ARL15: variants seen among roughly 807,000 people sequenced by gnomAD.
ARL15 encodes ADP-ribosylation factor-like protein 15.
ARL15 carries 19 observed loss-of-function variants against 25.2 expected under a neutral mutation model. The ratio of observed to expected loss-of-function variants is 0.75; its 90% CI spans 0.53 to 1.10. The LOEUF is 1.10. ARL15 is among the 50% of genes least tolerant of loss of function. The pLI is 0.00. For synonymous variants in ARL15, 94 were observed against 86.8 expected (o/e 1.08, Z -0.46); for missense variants, 220 against 246.0 (o/e 0.89, Z 0.71).
intron 4 of ARL15, among the ~76,000 whole-genome samples, chr5:53,965,338 A>G (rs1294407518): frequency 6.6e-6 from 1 of 152,218 alleles, no homozygotes; most frequent in Non-Finnish European, 1.5e-5. Context: ...AAGCTCTGCA[A>G]CTCATAGTGT....
In ARL15 at chr5:54,310,416, C is replaced by A. The variant is rs1011312005; in HGVS notation, c.48+16G>T. 6 of 1,607,446 alleles carry A rather than the reference C, an allele frequency of 3.7e-6. No homozygotes were observed. The highest frequency in any genetic ancestry group is 2.7e-5 in the African/African-American group (2 of 74,848). ...GAGATCCGAGAGGCGACATGCCACC[C>A]CTGCCCTGCACCTACCAGATAATCC... is the stretch of plus-strand genomic sequence containing the variant. On this transcript the variant is annotated intron_variant, in intron 1 of 4. Transcript: ENST00000504924.
At chr5:54,271,174 C>T (rs1321599297) in intron 1 of ARL15, among the ~76,000 whole-genome samples, 1 of 152,120 alleles carries the variant, frequency 6.6e-6, no homozygotes, top group African/African-American at 2.4e-5. Context: ...TACCAGCATC[C>T]CATGGTCTCC....
chr5:53,911,855 G>T (rs913776242), intron 4 of ARL15, among the ~76,000 whole-genome samples: 1 of 152,104 alleles, frequency 6.6e-6, no homozygotes, highest in Admixed American at 6.5e-5. Context: ...GGGTAGTGAT[G>T]GTGGAATATA....
At chr5:54,182,342 G>C (rs1158707595) in intron 1 of ARL15, among the ~76,000 whole-genome samples, 1 of 118,738 alleles carries the variant, frequency 8.4e-6, no homozygotes, top group Non-Finnish European at 1.7e-5. Context: ...GTAAGGAAGG[G>C]ATCCAGTTTC....
At position 54,145,477 on chromosome 5, in the gene ARL15, C is replaced by T. The variant is rs138041587; in HGVS notation, c.253+9103G>A. Among the ~76,000 whole-genome samples the T allele has an allele frequency of 2.8e-3, 421 of 152,308 alleles. 10 individuals are homozygous for T. Among genetic ancestry groups the T allele is most frequent in the Middle Eastern group, 6.8e-3 (2 of 294 alleles). ...GTGATAAATAGCTATAAGCATATTA[C>T]CTCTTCAACAGTTGTCGAGTTGCCA... is the stretch of plus-strand genomic sequence containing the variant. On this transcript the variant is annotated intron_variant, in intron 3 of 4. Transcript: ENST00000504924.
At position 53,883,998 on chromosome 5, in the gene ARL15, G is replaced by C. The variant is rs1456698930; in HGVS notation, c.*2563C>G. On this transcript the variant is annotated 3_prime_UTR_variant, in exon 5 of 5. Transcript: ENST00000504924. The stretch of plus-strand genomic sequence containing the variant: ...AGATAGTGGAAATCGTAGAAATCAT[G>C]GACAATACAAGTTGGTCTTGCCTGG... The C allele has an allele frequency of 6.6e-6, 1 of 152,070 alleles. No individual in the cohort carries two copies. The highest frequency in any genetic ancestry group is 2.4e-5 in the African/African-American group (1 of 41,406). 9.4% of individuals were successfully genotyped at this position (152,070 alleles called of 1,614,324 possible). A position where few individuals can be genotyped will look rare whatever the true frequency, so the allele number is the denominator to read the frequency against.
At chr5:54,112,246 G>T (rs1468579918) in intron 4 of ARL15, among the ~76,000 whole-genome samples, 2 of 151,980 alleles carry the variant, frequency 1.3e-5, no homozygotes, top group African/African-American at 4.8e-5. Flanking sequence ...TAATAAATTG[G>T]ATTATTCTCA....
In ARL15 at chr5:53,884,543, G is replaced by A. The variant is rs886098752; in HGVS notation, c.*2018C>T. ...CCTTATTGACAGTTGTAAAGCATTA[G>A]GCGTCAGACAGAAACTTGTCAAAAA... On this transcript the variant is annotated 3_prime_UTR_variant, in exon 5 of 5. Transcript: ENST00000504924. 6.6e-5 allele frequency: 10 copies of A among 152,124 alleles called. No individual in the cohort carries two copies. Among genetic ancestry groups the A allele is most frequent in the African/African-American group, 2.4e-4 (10 of 41,398 alleles). 9.4% of individuals were successfully genotyped at this position (152,124 alleles called of 1,614,324 possible).
intron 4 of ARL15, among the ~76,000 whole-genome samples, chr5:54,008,524 G>T (rs556849964): frequency 6.6e-6 from 1 of 152,266 alleles, no homozygotes; most frequent in South Asian, 2.1e-4. Context: ...GAACTTGCAG[G>T]GGTTGGAGAA....
intron 2 of ARL15, among the ~76,000 whole-genome samples, chr5:54,160,837 C>G (rs1754382184): frequency 6.6e-6 from 1 of 152,108 alleles, no homozygotes; most frequent in Non-Finnish European, 1.5e-5. Context: ...CATATGTTTT[C>G]ATTTTAAGAA....
chr5:54,291,230 A>G (rs1758310845), intron 1 of ARL15, among the ~76,000 whole-genome samples: 1 of 152,208 alleles, frequency 6.6e-6, no homozygotes, highest in African/African-American at 2.4e-5. Flanking sequence ...CTGAACTTCA[A>G]TAAGTGGTCC....
intron 4 of ARL15, among the ~76,000 whole-genome samples, chr5:54,036,433 C>T (rs1750166678): frequency 3.9e-5 from 6 of 152,094 alleles, no homozygotes; most frequent in Admixed American, 2.6e-4. Context: ...ATTTCTACTT[C>T]TACATTTCTA....
intron 4 of ARL15, among the ~76,000 whole-genome samples, chr5:53,932,212 G>A (rs1746214573): frequency 1.3e-5 from 2 of 152,226 alleles, no homozygotes; most frequent in Admixed American, 1.3e-4. Context: ...ATAAGGAAGG[G>A]AACTTCCGCT....
chr5:54,213,371 T>C (rs567023281), intron 1 of ARL15, among the ~76,000 whole-genome samples: 2 of 152,164 alleles, frequency 1.3e-5, no homozygotes, highest in Non-Finnish European at 2.9e-5. Context: ...AGTCACCCCC[T>C]CCACTGCCAC....
intron 1 of ARL15, among the ~76,000 whole-genome samples, chr5:54,235,518 G>T (rs1029486619): frequency 6.6e-5 from 10 of 150,708 alleles, no homozygotes; most frequent in African/African-American, 2.4e-4. Flanking sequence ...TTGAGACAAG[G>T]TCTCGCTCTG....
In ARL15 at chr5:54,076,337, C is replaced by T. The variant is rs560111432; in HGVS notation, c.462+36865G>A. 6.6e-5 allele frequency among the ~76,000 whole-genome samples: 10 copies of T among 151,558 alleles called. No individual in the cohort carries two copies. The South Asian group carries it at 1.7e-3, about 25-fold the overall frequency. ...TCGGGAGGCTGAGGCAGGAGAATGG[C>T]GTGAACCCAGGAGGCGGAGCTTGCA... On this transcript the variant is annotated intron_variant, in intron 4 of 4. Transcript: ENST00000504924.
At chr5:53,972,798 C>T (rs187076220) in intron 4 of ARL15, among the ~76,000 whole-genome samples, 14 of 152,080 alleles carry the variant, frequency 9.2e-5, no homozygotes, top group East Asian at 7.7e-4. Context: ...CCTCCAATAT[C>T]GGTATTGTAC....
intron 4 of ARL15, among the ~76,000 whole-genome samples, chr5:54,038,244 C>A (rs1420737472): frequency 6.6e-6 from 1 of 151,990 alleles, no homozygotes; most frequent in Admixed American, 6.6e-5. Context: ...TTATGCACTG[C>A]AATAATGGCA....
intron 4 of ARL15, among the ~76,000 whole-genome samples, chr5:54,045,151 C>T (rs774747895): frequency 1.3e-5 from 2 of 152,152 alleles, no homozygotes; most frequent in African/African-American, 2.4e-5. Flanking sequence ...GGCACTCCTA[C>T]CCCCAATACC....
Sources: allele counts gnomAD v4.1 joint callset (sites outside exome capture counted in the v4.1 genomes callset), GRCh38; gene constraint gnomAD v4.1.1; transcripts MANE v1.5; gene names NCBI Gene and HGNC (gene_info 2026-07-23, HGNC 2026-07-21).